The following FMNL2 variants were observed in gnomAD, a reference collection of about 807,000 sequenced individuals.
FMNL2 encodes formin like 2, also known as formin-like protein 2.
In FMNL2, 51 loss-of-function variants were observed where a neutral mutation model predicts 130.2. The observed-to-expected ratio is 0.39, with a 90% CI of 0.31 to 0.49. The LOEUF is 0.49. Ranked by LOEUF, FMNL2 falls within the 20% of genes least tolerant of loss-of-function variation. The pLI is 0.85. For missense variants in FMNL2, 977 were observed against 1,316.2 expected (o/e 0.74, Z 3.99); for synonymous variants, 465 against 467.1 (o/e 1.00, Z 0.06).
At chr2:152,384,195 T>C (rs1455721557) in intron 1 of FMNL2, among the ~76,000 whole-genome samples, 1 of 152,196 alleles carries the variant, frequency 6.6e-6, no homozygotes, top group Non-Finnish European at 1.5e-5. Context: ...AGTAAAATAA[T>C]TTGCTCAAAG....
intron 1 of FMNL2, among the ~76,000 whole-genome samples, chr2:152,353,644 G>A (rs1234579920): frequency 1.3e-5 from 2 of 152,106 alleles, no homozygotes; most frequent in Non-Finnish European, 2.9e-5. Flanking sequence ...AGCCACATCC[G>A]TCATGAGCTC....
intron 1 of FMNL2, among the ~76,000 whole-genome samples, chr2:152,395,480 A>G (rs911887287): frequency 2.0e-5 from 3 of 152,198 alleles, no homozygotes; most frequent in African/African-American, 7.2e-5. Context: ...ACTTGTTCCC[A>G]TTTTGTGTCT....
chr2:152,530,077 T>C (rs116841506), intron 2 of FMNL2, among the ~76,000 whole-genome samples: 2,775 of 152,242 alleles, frequency 0.018, 261 homozygotes, highest in Admixed American at 0.16. Flanking sequence ...CACCCCACCT[T>C]TTAAAAATGA....
chr2:152,630,796 C>T (rs1208386199), intron 20 of FMNL2, among the ~76,000 whole-genome samples: 1 of 152,178 alleles, frequency 6.6e-6, no homozygotes, highest in Non-Finnish European at 1.5e-5. Flanking sequence ...CACCTGCATG[C>T]ACCTGCTGGC....
intron 1 of FMNL2, among the ~76,000 whole-genome samples, chr2:152,445,838 T>C (rs1688303193): frequency 6.6e-6 from 1 of 152,198 alleles, no homozygotes; most frequent in East Asian, 1.9e-4. Flanking sequence ...CATCAGCCAG[T>C]CGTCAGGGTT....
At chr2:152,354,212 G>A (rs1252860898) in intron 1 of FMNL2, among the ~76,000 whole-genome samples, 1 of 152,144 alleles carries the variant, frequency 6.6e-6, no homozygotes, top group African/African-American at 2.4e-5. Context: ...TTCACAATGA[G>A]AAAATACATT....
At chr2:152,544,595 A>G (rs1001937703) in intron 3 of FMNL2, among the ~76,000 whole-genome samples, 2 of 152,156 alleles carry the variant, frequency 1.3e-5, no homozygotes, top group Admixed American at 1.3e-4. Context: ...AGACCTCAGC[A>G]TTGAGTCCTA....
At chr2:152,606,572 A>T (rs1481233933) in intron 9 of FMNL2, among the ~76,000 whole-genome samples, 1 of 151,542 alleles carries the variant, frequency 6.6e-6, no homozygotes, top group Non-Finnish European at 1.5e-5. Context: ...CTAAAATTTA[A>T]AAAAAAGAAA....
intron 3 of FMNL2, among the ~76,000 whole-genome samples, chr2:152,547,012 T>G (rs2105517443): frequency 6.6e-6 from 1 of 151,772 alleles, no homozygotes; most frequent in African/African-American, 2.4e-5. Flanking sequence ...GTGGCCCGAT[T>G]TCGGCTTGCT....
intron 1 of FMNL2, among the ~76,000 whole-genome samples, chr2:152,496,954 A>G (rs542686295): frequency 4.6e-5 from 7 of 151,772 alleles, no homozygotes; most frequent in Admixed American, 6.6e-5. Context: ...TCATTTTTCT[A>G]AGAAGCTCTA....
At chr2:152,635,017 A>G (rs1045127909) in intron 21 of FMNL2, among the ~76,000 whole-genome samples, 3 of 152,068 alleles carry the variant, frequency 2.0e-5, no homozygotes, top group Admixed American at 6.6e-5. Context: ...ATTCTCATAT[A>G]AAATCCATTT....
At chr2:152,580,026 C>G (rs1280200800) in intron 8 of FMNL2, among the ~76,000 whole-genome samples, 1 of 152,182 alleles carries the variant, frequency 6.6e-6, no homozygotes, top group Non-Finnish European at 1.5e-5. Flanking sequence ...GAATATTATT[C>G]TTTCAAACTT....
At chr2:152,558,630 C>G in intron 4 of FMNL2, 110 bp from the exon 5 acceptor site, 1 of 930,902 alleles carries the variant, frequency 1.1e-6, no homozygotes, top group South Asian at 1.5e-5. Context: ...TATGTCCTTT[C>G]AGGCAATGAA....
intron 1 of FMNL2, among the ~76,000 whole-genome samples, chr2:152,346,105 ACCT>A (rs1348617537): frequency 6.6e-6 from 1 of 151,712 alleles, no homozygotes; most frequent in Non-Finnish European, 1.5e-5. Flanking sequence ...GCTCACTGCA[ACCT>A]CCACCTCCTG....
At chr2:152,647,610 T>G (rs1477517304) in intron 25 of FMNL2, among the ~76,000 whole-genome samples, 186 bp from the exon 26 acceptor site, 2 of 152,206 alleles carry the variant, frequency 1.3e-5, no homozygotes, top group African/African-American at 4.8e-5. Context: ...CATCCTGTTT[T>G]GTTTGATTGT....
rs543111160 is a variant in FMNL2, at chr2:152,489,880, C to T, written c.118-32063C>T. ...GATAGTTTTAATAAAAAAAATTTGT[C>T]AGCCAAAACATACTGAGAGTTTCTT... On this transcript the variant is annotated intron_variant, in intron 1 of 25. Transcript: ENST00000288670. Among the ~76,000 whole-genome samples, 3 of 152,298 alleles carry T rather than the reference C, an allele frequency of 2.0e-5. No individual in the cohort carries two copies. In the South Asian group the frequency reaches 6.2e-4, roughly 32 times the overall value.
intron 25 of FMNL2, among the ~76,000 whole-genome samples, chr2:152,644,973 G>A (rs758507491): frequency 5.3e-5 from 8 of 152,184 alleles, no homozygotes; most frequent in African/African-American, 9.7e-5. Context: ...CGTAGCCATT[G>A]ACTCCTGTGC....
At chr2:152,428,325 C>T (rs1687297840) in intron 1 of FMNL2, among the ~76,000 whole-genome samples, 1 of 152,144 alleles carries the variant, frequency 6.6e-6, no homozygotes. Flanking sequence ...AAAAAGCAAG[C>T]AAACCACAAT....
At chr2:152,428,489 T>A (rs961597505) in intron 1 of FMNL2, among the ~76,000 whole-genome samples, 1 of 152,206 alleles carries the variant, frequency 6.6e-6, no homozygotes, top group African/African-American at 2.4e-5. Flanking sequence ...GTAAATATAT[T>A]TTCCATTTAG....
Sources: gnomAD v4.1 joint callset for allele counts (sites outside exome capture counted in the v4.1 genomes callset) on GRCh38, gnomAD v4.1.1 for gene constraint, MANE v1.5 for transcripts, NCBI Gene and HGNC (gene_info 2026-07-23, HGNC 2026-07-21) for gene names.